The following RTN4R variants were observed in gnomAD, a reference collection of about 807,000 sequenced individuals.
RTN4R encodes the protein reticulon 4 receptor, also known as reticulon-4 receptor.
RTN4R carries 4 observed loss-of-function variants against 27.7 expected under a neutral mutation model. The ratio of observed to expected loss-of-function variants is 0.14; its 90% CI spans 0.07 to 0.33. The LOEUF (loss-of-function observed/expected upper bound fraction) is 0.33, where lower values mean the gene tolerates loss of function less well. RTN4R is among the 10% of genes least tolerant of loss of function. The probability of loss-of-function intolerance (pLI) is 1.00; values close to 1 mark genes in which losing one functional copy is unlikely to be tolerated. For missense variants in RTN4R, 554 were observed against 671.5 expected (o/e 0.83, Z 1.93); for synonymous variants, 290 against 305.6 (o/e 0.95, Z 0.53).
At chr22:20,250,845 A>T (rs1049638098) in intron 1 of RTN4R, among the ~76,000 whole-genome samples, 1 of 149,894 alleles carries the variant, frequency 6.7e-6, no homozygotes, top group Non-Finnish European at 1.5e-5. Context: ...TTACACACAC[A>T]CACATGCATG....
At chr22:20,268,043 C>G in intron 1 of RTN4R, 28 bp downstream of exon 1, 2 of 1,149,118 alleles carry the variant, frequency 1.7e-6, no homozygotes, top group Non-Finnish European at 2.1e-6. Context: ...CGCCGCCGGC[C>G]GGGCTCGGGT....
chr22:20,261,319 A>G (rs913836731), intron 1 of RTN4R, among the ~76,000 whole-genome samples: 28 of 152,176 alleles, frequency 1.8e-4, no homozygotes, highest in African/African-American at 6.3e-4. Flanking sequence ...TAAGGCCCCA[A>G]TCACTAGTCT....
intron 1 of RTN4R, chr22:20,243,798 A>C: frequency 7.1e-6 from 2 of 280,188 alleles, no homozygotes; most frequent in South Asian, 3.3e-5. Flanking sequence ...TCCCCAGCCA[A>C]CCCCTGCAGT....
Position 20,255,591 on chromosome 22 carries a change from G to C in RTN4R, c.22+12480C>G, listed in dbSNP as rs777699579. 6.6e-6 allele frequency among the ~76,000 whole-genome samples: 1 copy of C among 152,248 alleles called. No homozygotes were observed. Among genetic ancestry groups the C allele is most frequent in the Non-Finnish European group, 1.5e-5 (1 of 68,040 alleles). On this transcript the variant is annotated intron_variant, in intron 1 of 1. Transcript: ENST00000043402. The surrounding 1 kb of genome is among the most constrained non-coding windows in gnomAD (Gnocchi z 4.8). ...CCAACTCTGTGCTTGGGCCTTCCCT[G>C]CAGGCCAGGCAGCTGCTTCCCTGAA...
chr22:20,268,048 T>C, intron 1 of RTN4R, 23 bp downstream of exon 1: 1 of 1,159,340 alleles, frequency 8.6e-7, no homozygotes, highest in Non-Finnish European at 1.1e-6. Flanking sequence ...CCGGCCGGGC[T>C]CGGGTGCAGC....
chr22:20,267,102 C>T (rs1179768320), intron 1 of RTN4R, among the ~76,000 whole-genome samples: 3 of 152,246 alleles, frequency 2.0e-5, no homozygotes, highest in Non-Finnish European at 4.4e-5. Flanking sequence ...CGTGGGTGTG[C>T]AGGCGGGGGC....
chr22:20,253,307 G>A (rs1284995775), intron 1 of RTN4R, among the ~76,000 whole-genome samples: 1 of 152,210 alleles, frequency 6.6e-6, no homozygotes, highest in African/African-American at 2.4e-5. Flanking sequence ...GACCCGGCCT[G>A]TGCTCAGAGT....
chr22:20,244,262 G>A (rs1396948046), intron 1 of RTN4R, among the ~76,000 whole-genome samples: 1 of 152,232 alleles, frequency 6.6e-6, no homozygotes, highest in Non-Finnish European at 1.5e-5. Context: ...AGCCGGGCAG[G>A]AGGAAGGAGT....
chr22:20,241,665 T>C lies in RTN4R; in HGVS notation c.*46A>G, dbSNP rs1382105571. Reference sequence around the variant, plus strand: ...TGGCGGCGTGGAGAGAGACCCCGTATGTACACACACCTGGCTGCTGAGCAC... The same window carrying C: ...TGGCGGCGTGGAGAGAGACCCCGTACGTACACACACCTGGCTGCTGAGCAC... On this transcript the variant is annotated 3_prime_UTR_variant, in exon 2 of 2. Coordinates refer to ENST00000043402, the MANE Select transcript of RTN4R (RefSeq NM_023004.6). The C allele has an allele frequency of 2.6e-6, 4 of 1,545,346 alleles. No individual in the cohort carries two copies. The highest frequency in any genetic ancestry group is 3.5e-6 in the Non-Finnish European group (4 of 1,144,484).
chr22:20,249,355 C>A, intron 1 of RTN4R: 1 of 421,298 alleles, frequency 2.4e-6, no homozygotes, highest in Non-Finnish European at 4.9e-6. Context: ...CCTAGCCCTG[C>A]AGGGCCCACA....
chr22:20,256,933 C>A (rs1279403732), intron 1 of RTN4R, among the ~76,000 whole-genome samples: 2 of 152,230 alleles, frequency 1.3e-5, no homozygotes, highest in African/African-American at 4.8e-5. Flanking sequence ...TGCCAGGGTG[C>A]CCATTCCACT....
intron 1 of RTN4R, among the ~76,000 whole-genome samples, chr22:20,267,072 C>T (rs1228248093): frequency 1.3e-5 from 2 of 152,226 alleles, no homozygotes; most frequent in Admixed American, 1.3e-4. Flanking sequence ...GCAGGCATGC[C>T]GCGTGCATGC....
At chr22:20,243,239 C>T (rs2051120270) in intron 1 of RTN4R, 129 bp from the exon 2 acceptor site, 5 of 849,596 alleles carry the variant, frequency 5.9e-6, no homozygotes, top group Non-Finnish European at 9.3e-6. Flanking sequence ...CAAGATGTGG[C>T]CACCACCCCC....
intron 1 of RTN4R, among the ~76,000 whole-genome samples, chr22:20,249,722 T>G (rs1051350001): frequency 1.3e-5 from 2 of 152,172 alleles, no homozygotes; most frequent in African/African-American, 2.4e-5. Flanking sequence ...TGCATGCCGC[T>G]GCGGCAGAGG....
chr22:20,265,445 G>C (rs559420356), intron 1 of RTN4R, among the ~76,000 whole-genome samples: 58 of 152,284 alleles, frequency 3.8e-4, no homozygotes, highest in Non-Finnish European at 6.3e-4. Flanking sequence ...TTTCAGAGAC[G>C]TGCTGGGCCA....
Position 20,242,977 on chromosome 22 carries a change from G to A in RTN4R, c.156C>T (p.Pro52=), listed in dbSNP as rs746828039. The A allele has an allele frequency of 4.3e-6, 7 of 1,611,602 alleles. No individual in the cohort carries two copies. The highest frequency in any genetic ancestry group is 2.2e-5 in the East Asian group (1 of 44,874). ...GCTGGCTGGCAGCAGGGATGCCCAC[G>A]GGCACAGCCTGCAGGCCCTGCTGGG... ...SCPQQGLQAV[P]VGIPAASQRI... The change falls in exon 2 of 2, where the codon CCC becomes CCT. Residue 52 remains proline, a synonymous_variant. Transcript: ENST00000043402.
At chr22:20,261,087 G>A (rs2051243792) in intron 1 of RTN4R, among the ~76,000 whole-genome samples, 1 of 152,218 alleles carries the variant, frequency 6.6e-6, no homozygotes, top group Non-Finnish European at 1.5e-5. Flanking sequence ...ATGGGGAGGA[G>A]TGGCCCCAGA....
chr22:20,248,890 G>A (rs970308490), intron 1 of RTN4R, among the ~76,000 whole-genome samples: 6 of 152,136 alleles, frequency 3.9e-5, no homozygotes, highest in African/African-American at 4.8e-5. Flanking sequence ...GGCTGCCTGC[G>A]TGGAGGGCTC....
At chr22:20,267,480 C>T in intron 1 of RTN4R, 2 of 384,166 alleles carry the variant, frequency 5.2e-6, no homozygotes, top group South Asian at 3.8e-5. Flanking sequence ...TCTCAATGTC[C>T]CTCGGGCTGC....
Sources: gnomAD v4.1 joint callset for allele counts (sites outside exome capture counted in the v4.1 genomes callset) on GRCh38, gnomAD v4.1.1 for gene constraint, Gnocchi (gnomAD v3.1) non-coding constraint, MANE v1.5 for transcripts, NCBI Gene and HGNC (gene_info 2026-07-23, HGNC 2026-07-21) for gene names.